The following DACH2 variants were observed in gnomAD, a reference collection of about 807,000 sequenced individuals.
DACH2 encodes dachshund homolog 2.
DACH2 carries 17 observed loss-of-function variants against 35.8 expected under a neutral mutation model. The ratio of observed to expected loss-of-function variants is 0.48; its 90% CI spans 0.33 to 0.71. The LOEUF (loss-of-function observed/expected upper bound fraction) is 0.71, where lower values mean the gene tolerates loss of function less well. Ranked by LOEUF, DACH2 falls within the 30% of genes least tolerant of loss-of-function variation. The pLI is 0.02. For synonymous variants in DACH2, 195 were observed against 177.3 expected, an observed-to-expected ratio of 1.10 and a Z score of -0.79; for missense variants, 469 against 472.7, an observed-to-expected ratio of 0.99 and a Z score of 0.07.
At chrX:86,279,096 A>C (rs1037566149) in intron 1 of DACH2, among the ~76,000 whole-genome samples, 4 of 112,130 alleles carry the variant, frequency 3.6e-5, no homozygotes, top group Non-Finnish European at 5.6e-5. Flanking sequence ...ACCTGGGGGA[A>C]GGGGTGGCTG....
chrX:86,759,423 T>C (rs2041858449), intron 7 of DACH2, among the ~76,000 whole-genome samples: 1 of 111,858 alleles, frequency 8.9e-6, no homozygotes, highest in Non-Finnish European at 1.9e-5. Context: ...GTCTGTTTTA[T>C]CTAAGTATAG....
intron 1 of DACH2, among the ~76,000 whole-genome samples, chrX:86,374,770 A>AAAT (rs1295401328): frequency 1.8e-5 from 2 of 110,827 alleles, no homozygotes; most frequent in African/African-American, 6.5e-5. Context: ...GACAAAGAGG[A>AAAT]AATAGAAGGA....
chrX:86,629,002 T>G (rs1470954089), intron 3 of DACH2, among the ~76,000 whole-genome samples: 5 of 112,333 alleles, frequency 4.5e-5, no homozygotes, highest in African/African-American at 6.5e-5. Flanking sequence ...TAAAATATAT[T>G]ATTGAATTTG....
rs183149599 is a variant in DACH2, at chrX:86,300,550, G to T, written c.489-76274G>T. Among the ~76,000 whole-genome samples the T allele has an allele frequency of 7.1e-4, 76 of 107,636 alleles. 2 individuals carry two copies. The East Asian group carries it at 0.017, about 24-fold the overall frequency. 93.5% of individuals were successfully genotyped at this position (107,636 alleles called of 115,157 possible). ...TGTTGTGGGGTGGGGGAAGGGAGAG[G>T]GGGGAGGGATAGCATTAGGAGATAT... On this transcript the variant is annotated intron_variant, in intron 1 of 11. Transcript: ENST00000373125.
chrX:86,825,143 G>A (rs755662705), intron 11 of DACH2, among the ~76,000 whole-genome samples: 178 of 111,727 alleles, frequency 1.6e-3, no homozygotes, highest in African/African-American at 5.4e-3. Context: ...GACCAGGTGC[G>A]GTGGCTCACA....
At chrX:86,206,517 A>C (rs1174967897) in intron 1 of DACH2, among the ~76,000 whole-genome samples, 1 of 112,149 alleles carries the variant, frequency 8.9e-6, no homozygotes, top group East Asian at 2.8e-4. Flanking sequence ...TGCTGATAGA[A>C]TAAAATACAA....
chrX:86,392,073 G>T (rs1157933283), intron 2 of DACH2, among the ~76,000 whole-genome samples: 3 of 110,764 alleles, frequency 2.7e-5, no homozygotes, highest in Non-Finnish European at 5.7e-5. Context: ...CTTTATTAAA[G>T]AAAACATGTT....
At chrX:86,334,725 G>A (rs968657655) in intron 1 of DACH2, among the ~76,000 whole-genome samples, 2 of 111,908 alleles carry the variant, frequency 1.8e-5, no homozygotes, top group Non-Finnish European at 3.8e-5. Flanking sequence ...TCACTCTGAT[G>A]ATAGTTTCTT....
chrX:86,498,968 G>T (rs1436005311), intron 2 of DACH2, among the ~76,000 whole-genome samples: 1 of 111,750 alleles, frequency 8.9e-6, no homozygotes, highest in African/African-American at 3.3e-5. Flanking sequence ...TTACTTAGCT[G>T]CTTTGTATTT....
chrX:86,534,948 T>A (rs1237638338), intron 3 of DACH2, among the ~76,000 whole-genome samples: 2 of 111,779 alleles, frequency 1.8e-5, no homozygotes, highest in East Asian at 5.6e-4. Flanking sequence ...TTTGCATTGA[T>A]CATCAACTAA....
intron 3 of DACH2, among the ~76,000 whole-genome samples, chrX:86,520,912 A>G (rs2038544280): frequency 9.0e-6 from 1 of 111,181 alleles, no homozygotes; most frequent in Non-Finnish European, 1.9e-5. Context: ...CAAGGTTAGT[A>G]TTGATATTTG....
intron 7 of DACH2, among the ~76,000 whole-genome samples, chrX:86,787,877 AGAG>A (rs1286547800): frequency 8.9e-6 from 1 of 111,740 alleles, no homozygotes; most frequent in African/African-American, 3.3e-5. Flanking sequence ...AGCAAGTTTT[AGAG>A]AAGAAGTGAA....
chrX:86,616,847 G>A (rs1197066645), intron 3 of DACH2, among the ~76,000 whole-genome samples: 1 of 111,844 alleles, frequency 8.9e-6, no homozygotes, highest in Non-Finnish European at 1.9e-5. Flanking sequence ...CTATTTCTAT[G>A]TCCACAATGG....
chrX:86,772,867 A>G (rs1355835420), intron 7 of DACH2, among the ~76,000 whole-genome samples: 1 of 110,928 alleles, frequency 9.0e-6, no homozygotes, highest in African/African-American at 3.3e-5. Context: ...CCCCTTGAGG[A>G]CAGTTTTTTC....
intron 3 of DACH2, among the ~76,000 whole-genome samples, chrX:86,563,275 G>T (rs2039250170): frequency 9.1e-6 from 1 of 109,839 alleles, no homozygotes; most frequent in African/African-American, 3.3e-5. Context: ...TTATTATTTT[G>T]TGTACAGTTA....
At chrX:86,537,911 C>T (rs1384337775) in intron 3 of DACH2, among the ~76,000 whole-genome samples, 1 of 111,257 alleles carries the variant, frequency 9.0e-6, no homozygotes, top group African/African-American at 3.3e-5. Context: ...ATTCCTTCTC[C>T]TGGCTCAGAA....
intron 1 of DACH2, among the ~76,000 whole-genome samples, chrX:86,189,226 G>A (rs2031760728): frequency 8.9e-6 from 1 of 111,892 alleles, no homozygotes; most frequent in Non-Finnish European, 1.9e-5. Context: ...GTAGTTAGTA[G>A]TCCTTAGAAA....
At chrX:86,670,429 T>C (rs925248059) in intron 4 of DACH2, among the ~76,000 whole-genome samples, 1 of 111,641 alleles carries the variant, frequency 9.0e-6, no homozygotes, top group African/African-American at 3.3e-5. Context: ...ATTGCCTCTC[T>C]CTGCAATGTC....
intron 1 of DACH2, among the ~76,000 whole-genome samples, chrX:86,252,101 A>G (rs1313281250): frequency 9.0e-6 from 1 of 110,876 alleles, no homozygotes; most frequent in African/African-American, 3.3e-5. Context: ...AGTGACGTTG[A>G]CCATTTTTTT....
Sources: gnomAD v4.1 joint callset for allele counts (sites outside exome capture counted in the v4.1 genomes callset) on GRCh38, gnomAD v4.1.1 for gene constraint, MANE v1.5 for transcripts, NCBI Gene and HGNC (gene_info 2026-07-23, HGNC 2026-07-21) for gene names.